Variants in PPHLN1 observed in about 807,000 individuals in gnomAD.
PPHLN1 encodes periphilin 1.
A neutral mutation model predicts 51.3 loss-of-function variants in PPHLN1; 29 were observed. That is an observed-to-expected ratio of 0.57 (90% confidence interval 0.42 to 0.77). The LOEUF (loss-of-function observed/expected upper bound fraction) is 0.77, where lower values mean the gene tolerates loss of function less well. PPHLN1 is among the 30% of genes least tolerant of loss of function. PPHLN1 has a pLI of 0.00. For missense variants in PPHLN1, 436 were observed against 438.4 expected (o/e 0.99, Z 0.05); for synonymous variants, 147 against 147.8 (o/e 0.99, Z 0.04).
rs2073421861 is a variant in PPHLN1 at position 42,351,980 on chromosome 12, T to C, written c.168T>C (p.Val56=). The C allele has an allele frequency of 1.3e-6, 2 of 1,577,818 alleles. No homozygotes were observed. Among genetic ancestry groups the C allele is most frequent in the East Asian group, 4.7e-5 (2 of 42,660 alleles). ...EGSYNRYYSH[V]DYRDYDEGRS... is the part of the protein sequence containing the mutation. ...GCTACAATAGATATTACAGTCATGT[T>C]GATTACCGAGACTATGACGAGGGCC... is the stretch of plus-strand genomic sequence containing the variant. Residue 56 remains valine (V), a synonymous_variant, in exon 3 of 10, where the codon GTT becomes GTC. Transcript: ENST00000358314.
intron 9 of PPHLN1, among the ~76,000 whole-genome samples, chr12:42,409,226 A>T (rs2079588648): frequency 6.6e-6 from 1 of 152,114 alleles, no homozygotes; most frequent in Admixed American, 6.6e-5. Context: ...TTGTGAGTGG[A>T]TTAAAATTTA....
At chr12:42,360,405 T>G (rs1032933857) in intron 4 of PPHLN1, among the ~76,000 whole-genome samples, 1 of 150,722 alleles carries the variant, frequency 6.6e-6, no homozygotes, top group Non-Finnish European at 1.5e-5. Flanking sequence ...GATTAGAGAT[T>G]AGGTCTAGGT....
intron 9 of PPHLN1, among the ~76,000 whole-genome samples, chr12:42,412,276 C>T (rs1308460552): frequency 6.9e-6 from 1 of 144,840 alleles, no homozygotes; most frequent in African/African-American, 2.7e-5. Context: ...TCTCCATAGT[C>T]CATTATACCA....
At chr12:42,416,029 A>T (rs1353171656) in intron 9 of PPHLN1, among the ~76,000 whole-genome samples, 1 of 152,214 alleles carries the variant, frequency 6.6e-6, no homozygotes, top group African/African-American at 2.4e-5. Context: ...TCTCATAGGT[A>T]GAGATAGGAG....
intron 9 of PPHLN1, among the ~76,000 whole-genome samples, chr12:42,424,789 T>G (rs2059529436): frequency 1.3e-5 from 2 of 152,194 alleles, no homozygotes; most frequent in South Asian, 4.1e-4. Context: ...AAAGACTTAT[T>G]TTTCTTGGGC....
rs150104679 is a variant in PPHLN1, at chr12:42,437,205, G to A, written c.910-4110G>A. On this transcript the variant is annotated intron_variant, in intron 9 of 9. Coordinates refer to ENST00000358314, the MANE Select transcript of PPHLN1 (RefSeq NM_201439.2). ...ATGCTCTAGGTGTGCTAAGCCAATA[G>A]TATTTCCCCCAAACACCGTTTCCTT... Among the ~76,000 whole-genome samples the A allele has an allele frequency of 3.2e-3, 486 of 152,278 alleles. 1 individual carries two copies. The highest frequency in any genetic ancestry group is 0.011 in the African/African-American group (452 of 41,542).
At chr12:42,429,674 T>C (rs182894369) in intron 9 of PPHLN1, among the ~76,000 whole-genome samples, 1 of 152,372 alleles carries the variant, frequency 6.6e-6, no homozygotes, top group East Asian at 1.9e-4. Flanking sequence ...TGTTGTACTC[T>C]GACCAATTCC....
intron 9 of PPHLN1, among the ~76,000 whole-genome samples, chr12:42,435,909 A>T (rs1203081568): frequency 1.3e-5 from 2 of 152,228 alleles, no homozygotes; most frequent in Non-Finnish European, 2.9e-5. Flanking sequence ...AAAATGTTTT[A>T]TATCCTCATG....
chr12:42,380,983 G>T (rs188100083), intron 5 of PPHLN1, among the ~76,000 whole-genome samples: 1 of 152,122 alleles, frequency 6.6e-6, no homozygotes, highest in African/African-American at 2.4e-5. Context: ...AGACAAACAA[G>T]TAATTAAATA....
At chr12:42,381,918 CCT>C (rs1344981368) in intron 5 of PPHLN1, among the ~76,000 whole-genome samples, 2 of 151,960 alleles carry the variant, frequency 1.3e-5, no homozygotes, top group Admixed American at 6.6e-5. Flanking sequence ...CTGTTTTGTC[CCT>C]GTTTGCCAAG....
intron 5 of PPHLN1, among the ~76,000 whole-genome samples, chr12:42,377,657 T>A (rs2076388998): frequency 6.6e-6 from 1 of 152,176 alleles, no homozygotes; most frequent in African/African-American, 2.4e-5. Context: ...CAATAATGAT[T>A]TTCATTAAAG....
intron 4 of PPHLN1, among the ~76,000 whole-genome samples, chr12:42,358,893 T>C (rs1274214709): frequency 2.0e-5 from 3 of 152,244 alleles, no homozygotes; most frequent in South Asian, 2.1e-4. Context: ...TCAGTGGGTA[T>C]ATATATGTAT....
rs369516194 is a variant in PPHLN1, at chr12:42,348,247, A to G, written c.73-3638A>G. 6.8e-5 allele frequency among the ~76,000 whole-genome samples: 10 copies of G among 146,100 alleles called. No individual in the cohort carries two copies. In the East Asian group the frequency reaches 1.6e-3, roughly 23 times the overall value. ...TACCTCAGCCTCCTGAGTAGCTGGC[A>G]CTACAGGCATGCACACCTCACCTGG... On this transcript the variant is annotated intron_variant, in intron 2 of 9. Coordinates refer to ENST00000358314, the MANE Select transcript of PPHLN1 (RefSeq NM_201439.2).
At chr12:42,433,261 AT>A in intron 9 of PPHLN1, 2 of 692,448 alleles carry the variant, frequency 2.9e-6, no homozygotes, top group Non-Finnish European at 5.4e-6. Flanking sequence ...TCACTAATTT[AT>A]TTTTTTATAT....
intron 5 of PPHLN1, among the ~76,000 whole-genome samples, chr12:42,381,759 GTAAAAAATTTTCT>G (rs1379217022): frequency 6.6e-6 from 1 of 152,154 alleles, no homozygotes; most frequent in South Asian, 2.1e-4. Flanking sequence ...CCATGATCCA[GTAAAAAATTTTCT>G]TATCATCTGT....
intron 1 of PPHLN1, 106 bp from the exon 2 acceptor site, chr12:42,335,775 CTT>C (rs2070535204): frequency 3.6e-6 from 1 of 281,016 alleles, no homozygotes. Context: ...TTTTTTTTCT[CTT>C]AAGATCTCTG....
At chr12:42,427,842 A>G (rs2081634870) in intron 9 of PPHLN1, among the ~76,000 whole-genome samples, 2 of 152,236 alleles carry the variant, frequency 1.3e-5, no homozygotes, top group South Asian at 2.1e-4. Context: ...GTGGGAGAAG[A>G]TCTTTACAAT....
Position 42,384,922 on chromosome 12 carries a change from C to T in PPHLN1, c.512-18C>T. ...CAGAGGTGCTGCTGTTAATTCCTCCCTGCCCACCTTTCCATAGAGTCCGTG... is the reference window on the plus strand; with the variant it reads ...CAGAGGTGCTGCTGTTAATTCCTCCTTGCCCACCTTTCCATAGAGTCCGTG... On this transcript the variant is annotated intron_variant, in intron 5 of 9. Transcript: ENST00000358314. 6.3e-7 allele frequency: 1 copy of T among 1,595,124 alleles called. No individual in the cohort carries two copies. The highest frequency in any genetic ancestry group is 8.6e-7 in the Non-Finnish European group (1 of 1,162,756).
chr12:42,448,250 AAT>A (rs1180548625), downstream of PPHLN1: 2 of 152,574 alleles, frequency 1.3e-5, no homozygotes, highest in Non-Finnish European at 2.9e-5. Context: ...AGGTACAACA[AAT>A]AATTTCTTTT....
Sources: gnomAD v4.1 joint callset for allele counts (sites outside exome capture counted in the v4.1 genomes callset) on GRCh38, gnomAD v4.1.1 for gene constraint, MANE v1.5 for transcripts, NCBI Gene and HGNC (gene_info 2026-07-23, HGNC 2026-07-21) for gene names.